The following PEAR1 variants were observed in gnomAD, a reference collection of about 807,000 sequenced individuals.
PEAR1 encodes platelet endothelial aggregation receptor 1.
A neutral mutation model predicts 131.2 loss-of-function variants in PEAR1; 113 were observed. The ratio of observed to expected loss-of-function variants is 0.86; its 90% confidence interval spans 0.74 to 1.01. The LOEUF (loss-of-function observed/expected upper bound fraction) is 1.01. Ranked by LOEUF, PEAR1 falls within the 50% of genes least tolerant of loss-of-function variation. The pLI, the probability that PEAR1 is intolerant of heterozygous loss-of-function variation, is 0.00. For synonymous variants in PEAR1, 565 were observed against 523.3 expected, an observed-to-expected ratio of 1.08 and a Z score of -1.09; for missense variants, 1,408 against 1,391.1, an observed-to-expected ratio of 1.01 and a Z score of -0.19.
intron 11 of PEAR1, among the ~76,000 whole-genome samples, 183 bp from the exon 12 acceptor site, chr1:156,909,568 G>T (rs750490140): frequency 6.6e-6 from 1 of 152,194 alleles, no homozygotes; most frequent in African/African-American, 2.4e-5. Context: ...GTACCTCACT[G>T]GAAGGCAGTT....
At position 156,913,982 on chromosome 1, in the gene PEAR1, C is replaced by T. The variant is rs1361534279; in HGVS notation, c.2844C>T (p.Gly948=). 1.9e-6 allele frequency: 3 copies of T among 1,613,766 alleles called. No individual in the cohort carries two copies. ...PRESSYMEMK[G]PPSGSPPRQP... ...AGAGCAGCTACATGGAGATGAAAGG[C>T]CCTCCCTCAGGATCTCCCCCCAGGC... The change falls in exon 22 of 23, where the codon GGC becomes GGT. Residue 948 remains glycine, a synonymous_variant. Coordinates refer to ENST00000292357, the MANE Select transcript of PEAR1 (RefSeq NM_001080471.3).
Position 156,912,264 on chromosome 1 carries a change from TG to T in PEAR1, c.1973del (p.Gly658GlufsTer27). 6.2e-7 allele frequency: 1 copy of T among 1,613,432 alleles called. No homozygotes were observed. Among genetic ancestry groups the T allele is most frequent in the Non-Finnish European group, 8.5e-7 (1 of 1,179,786 alleles). ...TCCCGTAGCATGCCCTCCAGGACAC[TG>T]GGGAGAAAACTGTGCCCAGACCTGC... ...DCSQPCPPGH[W>X]GENCAQTCQC... On this transcript the variant is annotated frameshift_variant, in exon 16 of 23. Transcript: ENST00000292357. LOFTEE classifies it high-confidence loss of function.
At chr1:156,895,326 C>T (rs745894369) in intron 1 of PEAR1, among the ~76,000 whole-genome samples, 34 of 152,368 alleles carry the variant, frequency 2.2e-4, no homozygotes, top group Middle Eastern at 3.4e-3. Flanking sequence ...TGTGCCTCCC[C>T]GCACCCGACA....
rs1315694768 is a variant in PEAR1 at position 156,909,922 on chromosome 1, C to T, written c.1575+8C>T. The T allele has an allele frequency of 6.2e-7, 1 of 1,610,906 alleles. No individual in the cohort carries two copies. Among genetic ancestry groups the T allele is most frequent in the Non-Finnish European group, 8.5e-7 (1 of 1,178,530 alleles). On this transcript the variant is annotated splice_region_variant and intron_variant, in intron 12 of 22. Coordinates refer to ENST00000292357, the MANE Select transcript of PEAR1 (RefSeq NM_001080471.3). Reference sequence around the variant, plus strand: ...TGCCAGCTGCCCTGTCCGGTGAGTGCTGGACAGCCTGTCTGCCTGGGGGTG... The same window carrying T: ...TGCCAGCTGCCCTGTCCGGTGAGTGTTGGACAGCCTGTCTGCCTGGGGGTG...
At chr1:156,907,773 G>T in intron 7 of PEAR1, 43 bp downstream of exon 7, 1 of 1,582,254 alleles carries the variant, frequency 6.3e-7, no homozygotes, top group Non-Finnish European at 8.6e-7. Context: ...TGGGTCTGGG[G>T]AGAATTCTGT....
chr1:156,908,390 C>T lies in PEAR1; in HGVS notation c.1115+50C>T. 6.9e-7 allele frequency: 1 copy of T among 1,453,348 alleles called. No homozygotes were observed. The highest frequency in any genetic ancestry group is 9.1e-7 in the Non-Finnish European group (1 of 1,100,650). The allele number at this position is 1,453,348 out of a possible 1,614,324, so 90.0% of individuals were successfully genotyped here. A position where few individuals can be genotyped will look rare whatever the true frequency, so the allele number is the denominator to read the frequency against. ...AGGATCAGGAGGCCAATGGGGAGGTCTTCCTGGCCGAAGTCACCACAGAGC... is the reference window on the plus strand; with the variant it reads ...AGGATCAGGAGGCCAATGGGGAGGTTTTCCTGGCCGAAGTCACCACAGAGC... On this transcript the variant is annotated intron_variant, in intron 9 of 22. Coordinates refer to ENST00000292357, the MANE Select transcript of PEAR1 (RefSeq NM_001080471.3). This position sits in a 1 kb window ranked among gnomAD's most constrained non-coding sequence, Gnocchi z 4.2.
At chr1:156,912,158 A>C in intron 15 of PEAR1, 89 bp from the exon 16 acceptor site, 1 of 1,496,006 alleles carries the variant, frequency 6.7e-7, no homozygotes, top group Non-Finnish European at 8.9e-7. Context: ...ACCAAAGCTG[A>C]GCTAAAGGCT....
At position 156,905,087 on chromosome 1, in the gene PEAR1, G is replaced by C. The variant is rs573571062; in HGVS notation, c.206+235G>C. ...ACAGTATATGCCTGTGGGGTTGGGG[G>C]GGGGGCAAGAAGGGAATGCTCTTTC... On this transcript the variant is annotated intron_variant, in intron 3 of 22. Transcript: ENST00000292357. 7.9e-5 allele frequency: 108 copies of C among 1,358,576 alleles called. 1 individual carries two copies. The Admixed American group carries it at 8.1e-4, about 10-fold the overall frequency. The allele number at this position is 1,358,576 out of a possible 1,614,324, so 84.2% of individuals were successfully genotyped here. A position where few individuals can be genotyped will look rare whatever the true frequency, so the allele number is the denominator to read the frequency against.
intron 14 of PEAR1, 76 bp downstream of exon 14, chr1:156,910,456 C>G (rs1650929519): frequency 6.5e-7 from 1 of 1,544,248 alleles, no homozygotes; most frequent in African/African-American, 1.4e-5. Flanking sequence ...GCACCCCTCC[C>G]CCCGCGCCCG....
In PEAR1 at chr1:156,914,229, C is replaced by T. The variant is rs3795739; in HGVS notation, c.2962+129C>T. 1.5e-4 allele frequency: 210 copies of T among 1,404,226 alleles called. No homozygotes were observed. The East Asian group carries it at 4.4e-3, about 30-fold the overall frequency. 87.0% of individuals were successfully genotyped at this position (1,404,226 alleles called of 1,614,324 possible). On this transcript the variant is annotated intron_variant, in intron 22 of 22. Coordinates refer to ENST00000292357, the MANE Select transcript of PEAR1 (RefSeq NM_001080471.3). ...AGAGTGAGGCCTTTGGGGTCAGCTTCGGGCTCAAATCAGGCATGACGGGGA... is the reference window on the plus strand; with the variant it reads ...AGAGTGAGGCCTTTGGGGTCAGCTTTGGGCTCAAATCAGGCATGACGGGGA...
rs746898542 is a variant in PEAR1 at position 156,913,362 on chromosome 1, G to A, written c.2512-29G>A. On this transcript the variant is annotated intron_variant, in intron 19 of 22. Transcript: ENST00000292357. The stretch of plus-strand genomic sequence containing the variant: ...CTGGAAAGCCCTGTCCTTGCCTCTT[G>A]CTCTCCCTCCTGCACTGTCCCCTCT... The A allele has an allele frequency of 1.4e-5, 23 of 1,608,900 alleles. No homozygotes were observed. In the East Asian group the frequency reaches 5.1e-4, roughly 36 times the overall value.
chr1:156,910,273 G>A lies in PEAR1; in HGVS notation c.1718G>A (p.Gly573Glu). 6.2e-7 allele frequency: 1 copy of A among 1,613,448 alleles called. No individual in the cohort carries two copies. The highest frequency in any genetic ancestry group is 1.1e-5 in the South Asian group (1 of 90,980). ...CTGTCCTGCCCTGAGGGCTTATGGG[G>A]AGTCAACTGTAGCAACACCTGCACC... ...CHLSCPEGLW[G>E]VNCSNTCTCK... Residue 573 changes from glycine (G) to glutamate (E), a missense_variant, in exon 14 of 23, where the codon GGA becomes GAA. Coordinates refer to ENST00000292357, the MANE Select transcript of PEAR1 (RefSeq NM_001080471.3).
chr1:156,904,099 G>A (rs554675709), intron 2 of PEAR1, 72 bp downstream of exon 2: 16 of 1,287,362 alleles, frequency 1.2e-5, no homozygotes, highest in Non-Finnish European at 1.8e-5. Context: ...TCCCTACTGG[G>A]GTCCTTTTCT....
Position 156,912,506 on chromosome 1 carries a change from G to A in PEAR1, c.2093G>A (p.Gly698Glu). 1.2e-6 allele frequency: 2 copies of A among 1,613,538 alleles called. No homozygotes were observed. The highest frequency in any genetic ancestry group is 1.7e-6 in the Non-Finnish European group (2 of 1,179,832). Residue 698 changes from glycine (G) to glutamate (E), a missense_variant, in exon 17 of 23, where the codon GGG becomes GAG. Physicochemically the swap from Gly to Glu is moderately conservative, Grantham distance 98. Coordinates refer to ENST00000292357, the MANE Select transcript of PEAR1 (RefSeq NM_001080471.3). ...GCTGTCTCCCCAGGCTGCCCTCTGGGGACATTTGGTGCTAACTGCTCCCAG... is the reference window on the plus strand; with the variant it reads ...GCTGTCTCCCCAGGCTGCCCTCTGGAGACATTTGGTGCTAACTGCTCCCAG... ...GHHCLEGCPL[G>E]TFGANCSQPC... is the part of the protein sequence containing the mutation.
chr1:156,895,528 G>T (rs1649081374), intron 1 of PEAR1, among the ~76,000 whole-genome samples: 1 of 152,230 alleles, frequency 6.6e-6, no homozygotes, highest in African/African-American at 2.4e-5. Flanking sequence ...AAGCCAGAAG[G>T]AAGAGGCAGA....
At chr1:156,913,669 A>G in intron 20 of PEAR1, 23 bp from the exon 21 acceptor site, 7 of 1,611,818 alleles carry the variant, frequency 4.3e-6, no homozygotes, top group Non-Finnish European at 5.9e-6. Flanking sequence ...AGGGCTGATT[A>G]CCAGTTGCCT....
At chr1:156,898,036 G>T (rs1004724796) in intron 1 of PEAR1, among the ~76,000 whole-genome samples, 3 of 152,106 alleles carry the variant, frequency 2.0e-5, no homozygotes, top group Non-Finnish European at 4.4e-5. Context: ...GTCACCCAGG[G>T]TTTACCTCCC....
At position 156,912,449 on chromosome 1, in the gene PEAR1, C is replaced by T. The variant is rs891922700; in HGVS notation, c.2081-45C>T. The T allele has an allele frequency of 2.5e-6, 4 of 1,604,126 alleles. No individual in the cohort carries two copies. The African/African-American group carries it at 5.4e-5, about 22-fold the overall frequency. ...ACCCAAAAAAAGGAGACTAGAGTTTCCTGGCGGCTCTGATGCCGGCCTGCC... is the reference window on the plus strand; with the variant it reads ...ACCCAAAAAAAGGAGACTAGAGTTTTCTGGCGGCTCTGATGCCGGCCTGCC... On this transcript the variant is annotated intron_variant, in intron 16 of 22. Transcript: ENST00000292357.
chr1:156,908,504 C>T lies in PEAR1; in HGVS notation c.1116-151C>T, dbSNP rs1215520530. The T allele has an allele frequency of 1.7e-6, 2 of 1,191,038 alleles. No homozygotes were observed. The highest frequency in any genetic ancestry group is 3.1e-5 in the African/African-American group (2 of 64,742). The allele number at this position is 1,191,038 out of a possible 1,614,324, so 73.8% of individuals were successfully genotyped here. A position where few individuals can be genotyped will look rare whatever the true frequency, so the allele number is the denominator to read the frequency against. Reference sequence around the variant, plus strand: ...GAGGGGCCTGGGGTACCGCTACTTGCCCCAACCCAGTTTTCAGAATAGCGC... The same window carrying T: ...GAGGGGCCTGGGGTACCGCTACTTGTCCCAACCCAGTTTTCAGAATAGCGC... On this transcript the variant is annotated intron_variant, in intron 9 of 22. Transcript: ENST00000292357. The surrounding 1 kb of genome is among the most constrained non-coding windows in gnomAD (Gnocchi z 4.2).
Sources: allele counts gnomAD v4.1 joint callset (sites outside exome capture counted in the v4.1 genomes callset), GRCh38; gene constraint gnomAD v4.1.1; non-coding constraint Gnocchi (gnomAD v3.1); transcripts MANE v1.5; gene names NCBI Gene and HGNC (gene_info 2026-07-23, HGNC 2026-07-21).